The following HSDL2 variants were observed in gnomAD, a reference collection of about 807,000 sequenced individuals.
HSDL2 encodes the protein hydroxysteroid dehydrogenase-like protein 2.
A neutral mutation model predicts 46.3 loss-of-function variants in HSDL2; 27 were observed. The observed-to-expected ratio is 0.58, with a 90% CI of 0.43 to 0.80. The LOEUF (loss-of-function observed/expected upper bound fraction) is 0.80. Ranked by LOEUF, HSDL2 falls within the 30% of genes least tolerant of loss-of-function variation. HSDL2 has a pLI of 0.00. For missense variants in HSDL2, 451 were observed against 502.7 expected (o/e 0.90, Z 0.98); for synonymous variants, 153 against 163.6 (o/e 0.94, Z 0.50).
chr9:112,432,225 A>G (rs1362997753), intron 6 of HSDL2, among the ~76,000 whole-genome samples: 1 of 152,124 alleles, frequency 6.6e-6, no homozygotes, highest in African/African-American at 2.4e-5. Flanking sequence ...TAATACAGGG[A>G]GTGATCAATT....
At chr9:112,395,726 T>C (rs1831440189) in intron 1 of HSDL2, among the ~76,000 whole-genome samples, 1 of 152,248 alleles carries the variant, frequency 6.6e-6, no homozygotes, top group Non-Finnish European at 1.5e-5. Flanking sequence ...ATAGGTTTAA[T>C]TACAGCATTA....
intron 8 of HSDL2, 40 bp from the exon 9 acceptor site, chr9:112,453,973 G>A: frequency 6.3e-7 from 1 of 1,590,262 alleles, no homozygotes; most frequent in East Asian, 2.2e-5. Context: ...GTCCTTCACT[G>A]CCAAGCATTA....
intron 6 of HSDL2, among the ~76,000 whole-genome samples, chr9:112,438,169 C>G (rs965188912): frequency 4.6e-5 from 7 of 152,170 alleles, no homozygotes; most frequent in Admixed American, 3.3e-4. Context: ...ACCCAGGAGG[C>G]AGAGGTTGCG....
intron 4 of HSDL2, among the ~76,000 whole-genome samples, chr9:112,412,076 T>C (rs968503457): frequency 6.6e-6 from 1 of 152,172 alleles, no homozygotes; most frequent in African/African-American, 2.4e-5. Context: ...TGCTCTGAGA[T>C]CTGAAACTTT....
intron 7 of HSDL2, among the ~76,000 whole-genome samples, chr9:112,439,839 G>A (rs1661328587): frequency 6.6e-6 from 1 of 152,244 alleles, no homozygotes; most frequent in Non-Finnish European, 1.5e-5. Context: ...GCTGCTCACT[G>A]CTATGCAGCT....
chr9:112,416,604 A>AG (rs1491116371), intron 4 of HSDL2, among the ~76,000 whole-genome samples: 1 of 138,546 alleles, frequency 7.2e-6, no homozygotes, highest in Non-Finnish European at 1.6e-5. Flanking sequence ...AAAAAAAAAA[A>AG]GTACAGAAAT....
chr9:112,440,431 A>G (rs993918530), intron 7 of HSDL2, among the ~76,000 whole-genome samples: 2 of 151,996 alleles, frequency 1.3e-5, no homozygotes, highest in African/African-American at 4.8e-5. Flanking sequence ...AAAGAAAAAG[A>G]GAACAATTGA....
intron 1 of HSDL2, among the ~76,000 whole-genome samples, chr9:112,393,460 C>T (rs186783922): frequency 2.0e-5 from 3 of 152,260 alleles, no homozygotes; most frequent in East Asian, 3.9e-4. Flanking sequence ...TGTCTTAAAT[C>T]GTTAATTTGA....
chr9:112,395,514 G>C (rs1196858942), intron 1 of HSDL2, among the ~76,000 whole-genome samples: 3 of 152,210 alleles, frequency 2.0e-5, no homozygotes, highest in Non-Finnish European at 2.9e-5. Context: ...ATAGTGTTCA[G>C]CAGCATTCCC....
chr9:112,411,010 A>G (rs1717488184), intron 4 of HSDL2, among the ~76,000 whole-genome samples: 2 of 152,202 alleles, frequency 1.3e-5, no homozygotes, highest in African/African-American at 4.8e-5. Flanking sequence ...TTGAAATCTT[A>G]GAAGATCTGG....
intron 4 of HSDL2, among the ~76,000 whole-genome samples, chr9:112,411,028 G>C (rs781390884): frequency 6.6e-6 from 1 of 152,204 alleles, no homozygotes; most frequent in Non-Finnish European, 1.5e-5. Context: ...TGGCCAAATA[G>C]AGAAGCATTA....
chr9:112,420,508 A>AG (rs1449456463), intron 6 of HSDL2, among the ~76,000 whole-genome samples: 1 of 101,940 alleles, frequency 9.8e-6, no homozygotes, highest in Non-Finnish European at 2.1e-5. Context: ...AGGCCTCTTA[A>AG]AAAAAAAAAC....
intron 1 of HSDL2, among the ~76,000 whole-genome samples, chr9:112,393,950 C>T (rs200816112): frequency 3.3e-5 from 5 of 152,134 alleles, no homozygotes; most frequent in Non-Finnish European, 7.3e-5. Context: ...TTTGAATCTA[C>T]GTTGATACTG....
chr9:112,390,065 A>AAAGTAAATAAAT (rs60257310), intron 1 of HSDL2, among the ~76,000 whole-genome samples: 8 of 143,220 alleles, frequency 5.6e-5, no homozygotes, highest in African/African-American at 2.1e-4. Context: ...ACTCTGTCTC[A>AAAGTAAATAAAT]AAATAAATAA....
At chr9:112,414,644 G>A (rs1831953252) in intron 4 of HSDL2, among the ~76,000 whole-genome samples, 1 of 152,172 alleles carries the variant, frequency 6.6e-6, no homozygotes, top group Non-Finnish European at 1.5e-5. Context: ...TTTCCTTTGA[G>A]TGTAAAATAT....
chr9:112,438,580 A>G lies in HSDL2; in HGVS notation c.748A>G (p.Lys250Glu). The G allele has an allele frequency of 1.2e-6, 2 of 1,609,090 alleles. No individual in the cohort carries two copies. Among genetic ancestry groups the G allele is most frequent in the Non-Finnish European group, 1.7e-6 (2 of 1,177,728 alleles). ...GNFVIDENIL[K>E]EEGIENFDVY... ...CTTTGTCATTGATGAAAATATCTTA[A>G]AAGAAGAAGGAATAGAAAATTTTGA... Residue 250 changes from lysine to glutamate, a missense_variant, in exon 7 of 11, where the codon AAA (lysine) becomes GAA (glutamate). By Grantham distance (56) the Lys-to-Glu change is moderately conservative. Transcript: ENST00000398805.
At chr9:112,445,723 C>T (rs1304231262) in intron 8 of HSDL2, among the ~76,000 whole-genome samples, 1 of 151,940 alleles carries the variant, frequency 6.6e-6, no homozygotes, top group Non-Finnish European at 1.5e-5. Context: ...GGGGTTTCGC[C>T]ACATTAGCCA....
intron 1 of HSDL2, among the ~76,000 whole-genome samples, chr9:112,398,433 G>A (rs569983403): frequency 4.6e-5 from 7 of 152,126 alleles, no homozygotes; most frequent in African/African-American, 7.2e-5. Context: ...AGTCGGGTCC[G>A]TGGGAGCTAC....
At chr9:112,441,861 A>G in intron 8 of HSDL2, 91 bp downstream of exon 8, 1 of 783,008 alleles carries the variant, frequency 1.3e-6, no homozygotes, top group Non-Finnish European at 2.1e-6. Flanking sequence ...TAACAGTGAC[A>G]TTTCTGCCTT....
Sources: gnomAD v4.1 joint callset for allele counts (sites outside exome capture counted in the v4.1 genomes callset) on GRCh38, gnomAD v4.1.1 for gene constraint, MANE v1.5 for transcripts, NCBI Gene and HGNC (gene_info 2026-07-23, HGNC 2026-07-21) for gene names.